Variants in TMEFF2 observed in about 807,000 individuals in gnomAD.
TMEFF2 encodes the protein transmembrane protein with EGF like and two follistatin like domains 2.
TMEFF2 carries 28 observed loss-of-function variants against 53.8 expected under a neutral mutation model. That is an observed-to-expected ratio of 0.52 (90% CI 0.39 to 0.71). The LOEUF (loss-of-function observed/expected upper bound fraction) is 0.71, where lower values mean the gene tolerates loss of function less well. Among genes scored for constraint, TMEFF2 ranks in the 30% least tolerant of loss-of-function variants. The probability of loss-of-function intolerance (pLI) is 0.00; values close to 1 mark genes in which losing one functional copy is unlikely to be tolerated. For synonymous variants in TMEFF2, 162 were observed against 166.3 expected, an observed-to-expected ratio of 0.97 and a Z score of 0.20; for missense variants, 353 against 455.2, an observed-to-expected ratio of 0.78 and a Z score of 2.04.
chr2:192,176,166 C>A (rs1345451218), intron 4 of TMEFF2, among the ~76,000 whole-genome samples: 4 of 151,330 alleles, frequency 2.6e-5, no homozygotes, highest in Non-Finnish European at 4.4e-5. Flanking sequence ...AAACACCAAT[C>A]GTTTTCTTTC....
chr2:192,143,398 T>G (rs1690182027), intron 4 of TMEFF2, among the ~76,000 whole-genome samples: 1 of 152,080 alleles, frequency 6.6e-6, no homozygotes, highest in Admixed American at 6.6e-5. Flanking sequence ...TTTGATTAAT[T>G]TTTCTCCTAA....
At chr2:192,053,292 A>C (rs1395451426) in intron 5 of TMEFF2, among the ~76,000 whole-genome samples, 1 of 152,188 alleles carries the variant, frequency 6.6e-6, no homozygotes, top group East Asian at 1.9e-4. Context: ...TTCTGAACTC[A>C]AAAACTCATC....
intron 7 of TMEFF2, among the ~76,000 whole-genome samples, chr2:191,968,677 C>T: frequency 6.6e-6 from 1 of 152,148 alleles, no homozygotes; most frequent in Non-Finnish European, 1.5e-5. Flanking sequence ...TTCTTTACTG[C>T]TGCTTTCCTC....
At chr2:192,181,631 G>C (rs1415717438) in intron 3 of TMEFF2, among the ~76,000 whole-genome samples, 1 of 151,672 alleles carries the variant, frequency 6.6e-6, no homozygotes, top group African/African-American at 2.4e-5. Flanking sequence ...CTTAAGCACT[G>C]TCAGGAACAT....
chr2:192,118,199 G>GT (rs918303444), intron 4 of TMEFF2, among the ~76,000 whole-genome samples: 39 of 152,198 alleles, frequency 2.6e-4, no homozygotes, highest in African/African-American at 8.7e-4. Flanking sequence ...CAAAATGGAA[G>GT]TTTTTTTAGC....
intron 4 of TMEFF2, among the ~76,000 whole-genome samples, chr2:192,118,269 T>G (rs1472519845): frequency 1.2e-4 from 18 of 152,112 alleles, no homozygotes; most frequent in Admixed American, 1.2e-3. Context: ...ATGTGTTTGA[T>G]CCTCTTCAAT....
intron 4 of TMEFF2, among the ~76,000 whole-genome samples, chr2:192,091,319 T>TC (rs1170839753): frequency 6.6e-6 from 1 of 152,060 alleles, no homozygotes; most frequent in Non-Finnish European, 1.5e-5. Flanking sequence ...ATCAGGGAAA[T>TC]CACAGAGATG....
At chr2:192,161,355 G>C (rs1690628735) in intron 4 of TMEFF2, among the ~76,000 whole-genome samples, 1 of 151,942 alleles carries the variant, frequency 6.6e-6, no homozygotes, top group Non-Finnish European at 1.5e-5. Context: ...GTTTCACCAT[G>C]TTGGCCAGGC....
chr2:192,194,790 A>C lies in TMEFF2; in HGVS notation c.-266T>G. 2 of 501,322 alleles carry C rather than the reference A, an allele frequency of 4.0e-6. No individual in the cohort carries two copies. The highest frequency in any genetic ancestry group is 7.2e-6 in the Non-Finnish European group (2 of 276,494). 31.1% of individuals were successfully genotyped at this position (501,322 alleles called of 1,614,324 possible). ...GACGCGGGAAGCTGCTGCCATAAGGAGGGAGCTCTGGGAAGCCGGAGGACA... is the reference window on the plus strand; with the variant it reads ...GACGCGGGAAGCTGCTGCCATAAGGCGGGAGCTCTGGGAAGCCGGAGGACA... On this transcript the variant is annotated 5_prime_UTR_variant, in exon 1 of 10. Coordinates refer to ENST00000272771, the MANE Select transcript of TMEFF2 (RefSeq NM_016192.4). This position sits in a 1 kb window ranked among gnomAD's most constrained non-coding sequence, Gnocchi z 4.2.
intron 4 of TMEFF2, among the ~76,000 whole-genome samples, chr2:192,101,496 CA>C (rs11300629): frequency 0.014 from 2,115 of 152,280 alleles, 43 homozygotes; most frequent in African/African-American, 0.047. Context: ...ATTTTCTCTA[CA>C]TGAATAAATA....
At chr2:192,081,884 G>A (rs1001734662) in intron 4 of TMEFF2, among the ~76,000 whole-genome samples, 1 of 146,778 alleles carries the variant, frequency 6.8e-6, no homozygotes, top group Middle Eastern at 3.5e-3. Context: ...TCCTGCAAGC[G>A]CCACCTCCCG....
chr2:192,181,918 C>A (rs985231408), intron 3 of TMEFF2, among the ~76,000 whole-genome samples: 2 of 151,602 alleles, frequency 1.3e-5, no homozygotes, highest in East Asian at 1.9e-4. Flanking sequence ...TAATGATTTT[C>A]CTTTATTATA....
intron 5 of TMEFF2, among the ~76,000 whole-genome samples, chr2:192,020,440 C>T (rs994953203): frequency 1.3e-5 from 2 of 151,958 alleles, no homozygotes; most frequent in Non-Finnish European, 2.9e-5. Context: ...TGACTGCAAA[C>T]CACTGAATTA....
At chr2:192,080,570 C>T (rs776923866) in intron 4 of TMEFF2, among the ~76,000 whole-genome samples, 3 of 152,120 alleles carry the variant, frequency 2.0e-5, no homozygotes, top group Admixed American at 6.5e-5. Flanking sequence ...AATAGAGACA[C>T]GTTTGTGAGG....
chr2:192,054,833 T>G (rs923718118), intron 5 of TMEFF2, among the ~76,000 whole-genome samples: 1 of 152,200 alleles, frequency 6.6e-6, no homozygotes, highest in Non-Finnish European at 1.5e-5. Flanking sequence ...CTCAGTTTTC[T>G]CTTTTTAGAG....
rs1690468307 is a variant in TMEFF2, at chr2:192,154,779, G to A, written c.439+24889C>T. ...TTGAAACATATACATATTCTTATGA[G>A]GCTGGTGATATTGCAACCACCATCT... On this transcript the variant is annotated intron_variant, in intron 4 of 9. Coordinates refer to ENST00000272771, the MANE Select transcript of TMEFF2 (RefSeq NM_016192.4). Among the ~76,000 whole-genome samples the A allele has an allele frequency of 1.3e-5, 2 of 151,790 alleles. 1 individual carries two copies. The highest frequency in any genetic ancestry group is 4.8e-5 in the African/African-American group (2 of 41,370).
At chr2:191,981,887 G>A (rs930743620) in intron 7 of TMEFF2, among the ~76,000 whole-genome samples, 5 of 152,054 alleles carry the variant, frequency 3.3e-5, no homozygotes, top group African/African-American at 7.2e-5. Context: ...AATAGATTTC[G>A]TAGGTCTTAG....
chr2:192,133,177 C>A (rs1391434909), intron 4 of TMEFF2, among the ~76,000 whole-genome samples: 1 of 152,068 alleles, frequency 6.6e-6, no homozygotes, highest in Non-Finnish European at 1.5e-5. Context: ...CCTTATTAGG[C>A]GGAGACACTT....
At chr2:192,053,813 T>C (rs1687832119) in intron 5 of TMEFF2, among the ~76,000 whole-genome samples, 1 of 152,218 alleles carries the variant, frequency 6.6e-6, no homozygotes, top group African/African-American at 2.4e-5. Context: ...TCTTTCATTC[T>C]ATGCCTATTT....
Sources: gnomAD v4.1 joint callset for allele counts (sites outside exome capture counted in the v4.1 genomes callset) on GRCh38, gnomAD v4.1.1 for gene constraint, Gnocchi (gnomAD v3.1) non-coding constraint, MANE v1.5 for transcripts, NCBI Gene and HGNC (gene_info 2026-07-23, HGNC 2026-07-21) for gene names.